Variants in TLN2 observed in about 807,000 individuals in gnomAD.
TLN2 encodes talin-2.
Under a neutral mutation model 294.7 loss-of-function variants are expected in TLN2, and 118 were observed. That is an observed-to-expected ratio of 0.40 (90% CI 0.34 to 0.47). The LOEUF is 0.47. Among genes scored for constraint, TLN2 ranks in the 20% least tolerant of loss-of-function variants. TLN2 has a pLI of 0.84. For missense variants in TLN2, 3,083 were observed against 3,282.2 expected, an observed-to-expected ratio of 0.94 and a Z score of 1.48; for synonymous variants, 1,431 against 1,304.5, an observed-to-expected ratio of 1.10 and a Z score of -2.09.
At chr15:62,398,611 A>C (rs2140231778) in intron 1 of TLN2, among the ~76,000 whole-genome samples, 1 of 152,250 alleles carries the variant, frequency 6.6e-6, no homozygotes, top group Non-Finnish European at 1.5e-5. Context: ...TTCTAGGCTG[A>C]GGTGGTTTCA....
intron 1 of TLN2, among the ~76,000 whole-genome samples, chr15:62,525,223 G>C (rs1049912789): frequency 6.6e-6 from 1 of 152,204 alleles, no homozygotes; most frequent in Non-Finnish European, 1.5e-5. Context: ...GTTTATTAAA[G>C]TTGATTTGCT....
chr15:62,825,408 A>G (rs1309645896), intron 54 of TLN2, among the ~76,000 whole-genome samples: 1 of 152,104 alleles, frequency 6.6e-6, no homozygotes, highest in African/African-American at 2.4e-5. Flanking sequence ...ACTGACCAGC[A>G]TGTTCTCTGT....
intron 1 of TLN2, among the ~76,000 whole-genome samples, chr15:62,552,525 G>A (rs9806756): frequency 0.14 from 21,785 of 152,082 alleles, 1,628 homozygotes; most frequent in Middle Eastern, 0.18. Flanking sequence ...TGTCCTTTTT[G>A]TGGTCTATTT....
At chr15:62,641,491 C>T (rs1026661852) in intron 3 of TLN2, among the ~76,000 whole-genome samples, 2 of 152,042 alleles carry the variant, frequency 1.3e-5, no homozygotes, top group African/African-American at 4.8e-5. Context: ...TGGCACCTGC[C>T]TGTAATCCCA....
chr15:62,722,570 T>C, intron 26 of TLN2, 83 bp downstream of exon 26: 1 of 1,435,440 alleles, frequency 7.0e-7, no homozygotes, highest in Non-Finnish European at 9.2e-7. Flanking sequence ...TGAACACTGC[T>C]GAACCTATTT....
At chr15:62,521,779 A>G (rs1374101044) in intron 1 of TLN2, among the ~76,000 whole-genome samples, 1 of 152,174 alleles carries the variant, frequency 6.6e-6, no homozygotes, top group East Asian at 1.9e-4. Context: ...CATTTTCCGC[A>G]TGCAAATTTC....
intron 19 of TLN2, among the ~76,000 whole-genome samples, 155 bp from the exon 20 acceptor site, chr15:62,706,931 C>G (rs1458717168): frequency 6.6e-6 from 1 of 152,036 alleles, no homozygotes; most frequent in East Asian, 1.9e-4. Context: ...TTTTTAATTA[C>G]TTCTAAGGAT....
At chr15:62,575,718 G>A (rs1185693722) in intron 1 of TLN2, among the ~76,000 whole-genome samples, 1 of 152,176 alleles carries the variant, frequency 6.6e-6, no homozygotes, top group Admixed American at 6.5e-5. Context: ...GCCCTGCAGA[G>A]GTCAGGCCTG....
chr15:62,735,640 A>G (rs2060971335), intron 28 of TLN2, among the ~76,000 whole-genome samples: 1 of 152,204 alleles, frequency 6.6e-6, no homozygotes, highest in Non-Finnish European at 1.5e-5. Context: ...TGGAATGTGT[A>G]ATGGTAAAGT....
Position 62,740,654 on chromosome 15 carries a change from A to G in TLN2, c.3910A>G (p.Ile1304Val). ...AQTKEDQIQV[I>V]GNLKNISMAS... ...GACAAAAGAAGACCAGATCCAAGTG[A>G]TAGGGAACCTCAAGAATATCTCGAT... The change falls in exon 32 of 59, where the codon ATA becomes GTA. Residue 1304 changes from isoleucine to valine, a missense_variant. Coordinates refer to ENST00000636159, the MANE Select transcript of TLN2 (RefSeq NM_015059.3). 1 of 1,614,180 alleles carries G rather than the reference A, an allele frequency of 6.2e-7. No individual in the cohort carries two copies. The highest frequency in any genetic ancestry group is 1.7e-5 in the Admixed American group (1 of 60,020).
chr15:62,455,129 C>G (rs543415490), intron 1 of TLN2, among the ~76,000 whole-genome samples: 2 of 152,142 alleles, frequency 1.3e-5, no homozygotes, highest in Non-Finnish European at 2.9e-5. Flanking sequence ...ATTCAATGGA[C>G]TCCTCCTTTT....
chr15:62,790,522 C>G (rs914368736), intron 45 of TLN2, among the ~76,000 whole-genome samples: 4 of 152,224 alleles, frequency 2.6e-5, no homozygotes, highest in African/African-American at 9.7e-5. Flanking sequence ...GGAGGTTGAA[C>G]TGGTAAGATC....
chr15:62,657,954 A>G, intron 9 of TLN2, 56 bp downstream of exon 9: 1 of 1,534,860 alleles, frequency 6.5e-7, no homozygotes, highest in Non-Finnish European at 8.8e-7. Context: ...TTTCTCTTTC[A>G]GCTTTTTATT....
chr15:62,420,908 T>A (rs909702443), intron 1 of TLN2, among the ~76,000 whole-genome samples: 1 of 152,156 alleles, frequency 6.6e-6, no homozygotes, highest in Admixed American at 6.5e-5. Context: ...AGCACCTGGA[T>A]CCATTTAGAT....
chr15:62,785,735 C>T (rs570456216), intron 45 of TLN2, among the ~76,000 whole-genome samples: 11 of 151,866 alleles, frequency 7.2e-5, no homozygotes, highest in African/African-American at 2.7e-4. Flanking sequence ...TGGAATCTAC[C>T]ACCATCTGCC....
chr15:62,695,955 C>G (rs1178548510), intron 14 of TLN2, among the ~76,000 whole-genome samples: 1 of 152,204 alleles, frequency 6.6e-6, no homozygotes, highest in African/African-American at 2.4e-5. Context: ...CCTCCACTGC[C>G]CACAGCATCA....
intron 1 of TLN2, among the ~76,000 whole-genome samples, chr15:62,478,085 G>A (rs529301694): frequency 1.3e-5 from 2 of 152,280 alleles, no homozygotes; most frequent in South Asian, 2.1e-4. Context: ...TAGGCCTTGG[G>A]CTAAGTGTGT....
At chr15:62,627,311 C>T (rs1381138912) in intron 3 of TLN2, among the ~76,000 whole-genome samples, 1 of 152,236 alleles carries the variant, frequency 6.6e-6, no homozygotes, top group African/African-American at 2.4e-5. Context: ...ACCCAAGCAC[C>T]TCAGTTGCTT....
rs374664278 is a variant in TLN2, at chr15:62,838,858, G to A, written c.7377G>A (p.Ala2459=). The change falls in exon 58 of 59, where the codon GCG becomes GCA. Residue 2459 remains alanine, a splice_region_variant and synonymous_variant. Coordinates refer to ENST00000636159, the MANE Select transcript of TLN2 (RefSeq NM_015059.3). ...TGTATGTTTTGTTCACTCTCCAGGC[G>A]GCAGGAAATGCTGTGAAAAGAGCCT... ...QDSEAMRRLQ[A]AGNAVKRASD... is the part of the protein sequence containing the mutation. 207 of 1,608,976 alleles carry A rather than the reference G, an allele frequency of 1.3e-4. No homozygotes were observed. The highest frequency in any genetic ancestry group is 5.1e-4 in the East Asian group (23 of 44,872).
Sources: gnomAD v4.1 joint callset for allele counts (sites outside exome capture counted in the v4.1 genomes callset) on GRCh38, gnomAD v4.1.1 for gene constraint, MANE v1.5 for transcripts, NCBI Gene and HGNC (gene_info 2026-07-23, HGNC 2026-07-21) for gene names.